Variants in PBX1 observed in about 807,000 individuals in gnomAD.
PBX1 encodes the protein pre-B-cell leukemia transcription factor 1.
In PBX1, 6 loss-of-function variants were observed where a neutral mutation model predicts 53.4. The ratio of observed to expected loss-of-function variants is 0.11; its 90% CI spans 0.06 to 0.22. PBX1 has a LOEUF of 0.22. PBX1 is among the 10% of genes least tolerant of loss of function. The probability of loss-of-function intolerance (pLI) is 1.00; values close to 1 mark genes in which losing one functional copy is unlikely to be tolerated. For synonymous variants in PBX1, 204 were observed against 212.3 expected (o/e 0.96, Z 0.34); for missense variants, 251 against 551.4 (o/e 0.46, Z 5.46).
At chr1:164,763,891 G>T (rs1032923294) in intron 2 of PBX1, among the ~76,000 whole-genome samples, 1 of 152,190 alleles carries the variant, frequency 6.6e-6, no homozygotes, top group Non-Finnish European at 1.5e-5. Flanking sequence ...AGATTAATCT[G>T]TGTGCTCCAG....
At chr1:164,786,720 T>TGTGTGTGTGTGTGTGCGC (rs1357886882) in intron 2 of PBX1, among the ~76,000 whole-genome samples, 60 of 116,274 alleles carry the variant, frequency 5.2e-4, no homozygotes, top group African/African-American at 2.0e-3. Context: ...TGTGTGTGTG[T>TGTGTGTGTGTGTGTGCGC]GCGCGCGCAC....
intron 2 of PBX1, among the ~76,000 whole-genome samples, chr1:164,640,679 C>G (rs1236267651): frequency 6.6e-6 from 1 of 151,640 alleles, no homozygotes; most frequent in Non-Finnish European, 1.5e-5. Context: ...GCCTCAGCCT[C>G]CTGAGTAGCT....
At chr1:164,632,266 T>A (rs1445907309) in intron 2 of PBX1, among the ~76,000 whole-genome samples, 1 of 152,190 alleles carries the variant, frequency 6.6e-6, no homozygotes. Context: ...GAGTTGAAGT[T>A]ACAAAGCAGG....
chr1:164,689,011 CAGGCCACGCAGAG>C (rs1179452066), intron 2 of PBX1, among the ~76,000 whole-genome samples: 19 of 152,252 alleles, frequency 1.2e-4, no homozygotes, highest in Non-Finnish European at 1.5e-5. Context: ...CTTGGTGCCG[CAGGCCACGCAGAG>C]AGGCAACGAC....
rs148416936 is a variant in PBX1 at position 164,836,440 on chromosome 1, A to C, written c.1201-10144A>C. Among the ~76,000 whole-genome samples the C allele has an allele frequency of 2.9e-4, 44 of 152,340 alleles. No individual in the cohort carries two copies. The East Asian group carries it at 8.1e-3, about 28-fold the overall frequency. On this transcript the variant is annotated intron_variant, in intron 8 of 8. Transcript: ENST00000420696. Reference sequence around the variant, plus strand: ...ACTTGGATGAGAATTCCAGAATAAAAGAGGGTGTCCCCCAGCATCCCCTGA... The same window carrying C: ...ACTTGGATGAGAATTCCAGAATAAACGAGGGTGTCCCCCAGCATCCCCTGA...
intron 2 of PBX1, among the ~76,000 whole-genome samples, chr1:164,735,813 A>G (rs1474955748): frequency 1.3e-5 from 2 of 152,142 alleles, no homozygotes; most frequent in African/African-American, 2.4e-5. Flanking sequence ...CAGTAATTGG[A>G]TTCTGGCCAA....
At chr1:164,727,906 G>T (rs2102127483) in intron 2 of PBX1, among the ~76,000 whole-genome samples, 1 of 152,320 alleles carries the variant, frequency 6.6e-6, no homozygotes, top group Non-Finnish European at 1.5e-5. Flanking sequence ...ATGTTTTAGT[G>T]TGACTTGTCT....
At chr1:164,739,040 G>C (rs1665447733) in intron 2 of PBX1, among the ~76,000 whole-genome samples, 1 of 152,090 alleles carries the variant, frequency 6.6e-6, no homozygotes, top group East Asian at 1.9e-4. Flanking sequence ...TTTGGTATAG[G>C]TTCAAAATTG....
chr1:164,609,858 T>A (rs1656791488), intron 2 of PBX1, among the ~76,000 whole-genome samples: 2 of 152,122 alleles, frequency 1.3e-5, no homozygotes, highest in East Asian at 1.9e-4. Context: ...TAATTTAATG[T>A]TGGGGGGGAT....
intron 2 of PBX1, among the ~76,000 whole-genome samples, chr1:164,640,857 G>A (rs961195151): frequency 2.0e-5 from 3 of 152,132 alleles, no homozygotes; most frequent in Middle Eastern, 3.4e-3. Context: ...TGCAGCGGCC[G>A]GTTCCTTGTG....
intron 8 of PBX1, among the ~76,000 whole-genome samples, chr1:164,822,433 G>T (rs978956983): frequency 6.6e-6 from 1 of 152,140 alleles, no homozygotes; most frequent in Admixed American, 6.5e-5. Flanking sequence ...AAAGGTTTGG[G>T]TGGTGGGTAG....
At chr1:164,678,252 G>A (rs1377195256) in intron 2 of PBX1, among the ~76,000 whole-genome samples, 1 of 152,182 alleles carries the variant, frequency 6.6e-6, no homozygotes, top group Non-Finnish European at 1.5e-5. Context: ...GCCATATGAT[G>A]GACTCAGCTC....
intron 2 of PBX1, among the ~76,000 whole-genome samples, chr1:164,569,789 G>C (rs546867323): frequency 6.6e-6 from 1 of 152,042 alleles, no homozygotes; most frequent in Non-Finnish European, 1.5e-5. Flanking sequence ...TCAAACTCCT[G>C]ATCTCAAGTG....
At chr1:164,763,951 A>G (rs1357556667) in intron 2 of PBX1, among the ~76,000 whole-genome samples, 1 of 152,210 alleles carries the variant, frequency 6.6e-6, no homozygotes, top group East Asian at 1.9e-4. Context: ...TTAAACTTTA[A>G]TAGAATGGTT....
In PBX1 at chr1:164,848,549, G is replaced by A; in HGVS notation, c.*1873G>A. On this transcript the variant is annotated 3_prime_UTR_variant, in exon 9 of 9. Coordinates refer to ENST00000420696, the MANE Select transcript of PBX1 (RefSeq NM_002585.4). The stretch of plus-strand genomic sequence containing the variant: ...TTCTGGTTAATATCAGTACCTTGAT[G>A]TCATCACCGTGATGACAAAGAGAAG... 1.9e-6 allele frequency: 2 copies of A among 1,059,802 alleles called. No individual in the cohort carries two copies. Among genetic ancestry groups the A allele is most frequent in the South Asian group, 9.1e-5 (2 of 21,914 alleles). 65.6% of individuals were successfully genotyped at this position (1,059,802 alleles called of 1,614,324 possible).
intron 1 of PBX1, among the ~76,000 whole-genome samples, chr1:164,562,043 T>C (rs992464661): frequency 6.6e-6 from 1 of 152,136 alleles, no homozygotes; most frequent in African/African-American, 2.4e-5. Context: ...GTAGATAGTA[T>C]GTCCTTTTTT....
At chr1:164,606,638 T>A (rs1212869643) in intron 2 of PBX1, among the ~76,000 whole-genome samples, 1 of 152,220 alleles carries the variant, frequency 6.6e-6, no homozygotes, top group Non-Finnish European at 1.5e-5. Flanking sequence ...TTGCTTATTG[T>A]CTCTCTTTCC....
intron 2 of PBX1, among the ~76,000 whole-genome samples, chr1:164,664,695 C>T (rs1177735800): frequency 6.6e-6 from 1 of 152,224 alleles, no homozygotes; most frequent in East Asian, 1.9e-4. Context: ...TAATGACTTA[C>T]AGTTCCACAT....
At chr1:164,682,082 A>T (rs969327733) in intron 2 of PBX1, 1 of 152,262 alleles carries the variant, frequency 6.6e-6, no homozygotes, top group Non-Finnish European at 1.5e-5. Context: ...TTAAAATGCC[A>T]TTTACATACA....
Sources: gnomAD v4.1 joint callset for allele counts (sites outside exome capture counted in the v4.1 genomes callset) on GRCh38, gnomAD v4.1.1 for gene constraint, MANE v1.5 for transcripts, NCBI Gene and HGNC (gene_info 2026-07-23, HGNC 2026-07-21) for gene names.